Variants in NRXN3 observed in about 807,000 individuals in gnomAD.
The protein encoded by NRXN3 is neurexin 3, also known as neurexin III.
Under a neutral mutation model 137.6 loss-of-function variants are expected in NRXN3, and 32 were observed. The observed-to-expected ratio is 0.23, with a 90% confidence interval of 0.18 to 0.31. The LOEUF (loss-of-function observed/expected upper bound fraction) is 0.31, where lower values mean the gene tolerates loss of function less well. Among genes scored for constraint, NRXN3 ranks in the 10% least tolerant of loss-of-function variants. NRXN3 has a pLI of 1.00. For synonymous variants in NRXN3, 798 were observed against 784.5 expected, an observed-to-expected ratio of 1.02 and a Z score of -0.29; for missense variants, 1,574 against 2,062.5, an observed-to-expected ratio of 0.76 and a Z score of 4.59.
chr14:78,627,895 C>T (rs575243533), intron 4 of NRXN3, among the ~76,000 whole-genome samples: 6 of 152,202 alleles, frequency 3.9e-5, no homozygotes, highest in African/African-American at 1.4e-4. Context: ...CCAGTTAATT[C>T]CTTTTTATGT....
chr14:78,376,390 T>G (rs1215140886), intron 4 of NRXN3, among the ~76,000 whole-genome samples: 1 of 152,180 alleles, frequency 6.6e-6, no homozygotes, highest in African/African-American at 2.4e-5. Flanking sequence ...ACAGATCTGG[T>G]TTTTACATTA....
chr14:79,079,340 C>T (rs1225071819), intron 15 of NRXN3, among the ~76,000 whole-genome samples: 1 of 152,142 alleles, frequency 6.6e-6, no homozygotes, highest in Non-Finnish European at 1.5e-5. Flanking sequence ...GTCCTTTTCT[C>T]ATTTTAAAAT....
At chr14:79,123,093 A>G (rs1199303412) in intron 15 of NRXN3, among the ~76,000 whole-genome samples, 1 of 152,172 alleles carries the variant, frequency 6.6e-6, no homozygotes, top group Non-Finnish European at 1.5e-5. Context: ...GTGTGCAACA[A>G]TTCACTGTTT....
chr14:78,630,892 G>C (rs548121040), intron 4 of NRXN3, among the ~76,000 whole-genome samples: 1 of 152,098 alleles, frequency 6.6e-6, no homozygotes, highest in Non-Finnish European at 1.5e-5. Flanking sequence ...GACGTGAGCC[G>C]CTGCACCCGG....
chr14:79,239,530 C>G (rs2073946105), intron 15 of NRXN3, among the ~76,000 whole-genome samples: 2 of 151,922 alleles, frequency 1.3e-5, no homozygotes. Context: ...GTAACAAAGG[C>G]CAAAAGTGGG....
At chr14:78,631,654 A>G (rs2097524063) in intron 4 of NRXN3, among the ~76,000 whole-genome samples, 1 of 152,194 alleles carries the variant, frequency 6.6e-6, no homozygotes, top group Non-Finnish European at 1.5e-5. Flanking sequence ...TTAATCACAA[A>G]TCAACTAACC....
At chr14:79,778,705 A>G (rs565644519) in intron 19 of NRXN3, among the ~76,000 whole-genome samples, 60 of 152,300 alleles carry the variant, frequency 3.9e-4, no homozygotes, top group Non-Finnish European at 6.3e-4. Flanking sequence ...TTCAGTCTAT[A>G]CGAATTTTCA....
intron 4 of NRXN3, among the ~76,000 whole-genome samples, chr14:78,480,844 C>T (rs186553177): frequency 2.0e-5 from 3 of 152,260 alleles, no homozygotes; most frequent in East Asian, 1.9e-4. Context: ...GCTAAGTATT[C>T]TTCCCCTTTA....
At chr14:78,668,926 ATCTATCTG>A (rs1201836655) in intron 6 of NRXN3, among the ~76,000 whole-genome samples, 33 of 146,782 alleles carry the variant, frequency 2.2e-4, no homozygotes, top group African/African-American at 8.8e-4. Flanking sequence ...AACTCTATCT[ATCTATCTG>A]TCTGTCTGTC....
intron 16 of NRXN3, among the ~76,000 whole-genome samples, chr14:79,489,014 G>A (rs1303785192): frequency 6.6e-6 from 1 of 152,064 alleles, no homozygotes; most frequent in Non-Finnish European, 1.5e-5. Context: ...ATATCTTGCA[G>A]GCATGTTATG....
At chr14:79,021,228 G>C (rs185190452) in intron 15 of NRXN3, among the ~76,000 whole-genome samples, 7 of 152,250 alleles carry the variant, frequency 4.6e-5, no homozygotes, top group Non-Finnish European at 8.8e-5. Flanking sequence ...AATTTGCTCA[G>C]GGTCGCCTGG....
chr14:79,022,854 C>T (rs1360225026), intron 15 of NRXN3, among the ~76,000 whole-genome samples: 4 of 152,244 alleles, frequency 2.6e-5, no homozygotes, highest in Middle Eastern at 3.4e-3. Flanking sequence ...TTAATCAGGG[C>T]CCACATTACC....
chr14:78,849,546 A>G (rs1284930315), intron 10 of NRXN3, among the ~76,000 whole-genome samples: 2 of 152,190 alleles, frequency 1.3e-5, no homozygotes, highest in African/African-American at 2.4e-5. Flanking sequence ...TGTGGGGATA[A>G]TAATGACATA....
chr14:78,817,324 C>T (rs1021168078), intron 10 of NRXN3, among the ~76,000 whole-genome samples: 67 of 152,006 alleles, frequency 4.4e-4, no homozygotes, highest in Non-Finnish European at 4.0e-4. Flanking sequence ...AAAAAGTAAA[C>T]GTGATGTGAA....
intron 4 of NRXN3, among the ~76,000 whole-genome samples, chr14:78,346,244 A>G (rs937716467): frequency 3.9e-5 from 6 of 152,158 alleles, no homozygotes; most frequent in Non-Finnish European, 5.9e-5. Context: ...TCCTAGGGTC[A>G]CTGGAATCAG....
chr14:78,926,820 T>TAAATTA (rs2099299785), intron 10 of NRXN3, among the ~76,000 whole-genome samples: 1 of 49,544 alleles, frequency 2.0e-5, no homozygotes. Flanking sequence ...ATATTATATA[T>TAAATTA]TATATATAAT....
chr14:79,508,614 A>T (rs1185331573), intron 16 of NRXN3, among the ~76,000 whole-genome samples: 2 of 148,754 alleles, frequency 1.3e-5, no homozygotes, highest in African/African-American at 2.5e-5. Context: ...CTGGTCTTGA[A>T]CTCCTGACCT....
intron 4 of NRXN3, among the ~76,000 whole-genome samples, chr14:78,510,892 C>T (rs2096092013): frequency 6.6e-6 from 1 of 152,192 alleles, no homozygotes; most frequent in Non-Finnish European, 1.5e-5. Context: ...CTTGTAAGCA[C>T]CAGATCTTTG....
At chr14:78,639,327 C>T (rs901851577) in intron 4 of NRXN3, among the ~76,000 whole-genome samples, 5 of 152,312 alleles carry the variant, frequency 3.3e-5, no homozygotes, top group East Asian at 1.9e-4. Context: ...AGAACAATTT[C>T]GCTGTGTCTC....
Sources: gnomAD v4.1 joint callset for allele counts (sites outside exome capture counted in the v4.1 genomes callset) on GRCh38, gnomAD v4.1.1 for gene constraint, MANE v1.5 for transcripts, NCBI Gene and HGNC (gene_info 2026-07-23, HGNC 2026-07-21) for gene names.